Variants in CRPPA observed in about 807,000 individuals in gnomAD.
The protein encoded by CRPPA is D-ribitol-5-phosphate cytidylyltransferase.
Under a neutral mutation model 52.0 loss-of-function variants are expected in CRPPA, and 43 were observed. The ratio of observed to expected loss-of-function variants is 0.83; its 90% CI spans 0.65 to 1.07. The LOEUF is 1.07. Among genes scored for constraint, CRPPA ranks in the 50% least tolerant of loss-of-function variants. The pLI, the probability that CRPPA is intolerant of heterozygous loss-of-function variation, is 0.00. For synonymous variants in CRPPA, 250 were observed against 203.5 expected (o/e 1.23, Z -1.94); for missense variants, 629 against 551.7 (o/e 1.14, Z -1.40).
chr7:16,232,464 A>T (rs2128403404), intron 8 of CRPPA, among the ~76,000 whole-genome samples: 1 of 152,280 alleles, frequency 6.6e-6, no homozygotes, highest in South Asian at 2.1e-4. Flanking sequence ...CCACTAAGGG[A>T]TGATCTTCAC....
intron 3 of CRPPA, among the ~76,000 whole-genome samples, chr7:16,364,048 A>G (rs549552211): frequency 2.6e-5 from 4 of 152,320 alleles, no homozygotes; most frequent in Admixed American, 2.0e-4. Context: ...CTTCACAAAT[A>G]AGAAAATTTA....
intron 9 of CRPPA, among the ~76,000 whole-genome samples, chr7:16,109,554 T>C (rs1257273200): frequency 1.3e-5 from 2 of 151,914 alleles, no homozygotes; most frequent in East Asian, 1.9e-4. Context: ...CAGACCAATA[T>C]CTTTCAGGAA....
At chr7:16,229,734 T>C (rs200783006) in intron 8 of CRPPA, among the ~76,000 whole-genome samples, 1 of 152,158 alleles carries the variant, frequency 6.6e-6, no homozygotes, top group East Asian at 1.9e-4. Flanking sequence ...ATAAGTTTTA[T>C]ATTTTCAAAT....
chr7:16,156,794 A>G (rs1261418226), intron 9 of CRPPA, among the ~76,000 whole-genome samples: 3 of 152,172 alleles, frequency 2.0e-5, no homozygotes, highest in African/African-American at 7.2e-5. Flanking sequence ...AATCTGCTGA[A>G]AGCTGTGGAT....
At chr7:16,238,050 C>G (rs779498742) in intron 8 of CRPPA, among the ~76,000 whole-genome samples, 4 of 152,166 alleles carry the variant, frequency 2.6e-5, no homozygotes, top group African/African-American at 4.8e-5. Flanking sequence ...GGGAATTTGT[C>G]AACTCCCAGT....
intron 4 of CRPPA, among the ~76,000 whole-genome samples, chr7:16,304,870 A>G (rs879678822): frequency 1.3e-5 from 2 of 152,194 alleles, no homozygotes; most frequent in Non-Finnish European, 2.9e-5. Context: ...ACATGGTAAT[A>G]AAATGCCTCA....
intron 8 of CRPPA, among the ~76,000 whole-genome samples, chr7:16,254,934 T>C (rs919290640): frequency 2.0e-5 from 3 of 152,146 alleles, no homozygotes; most frequent in Non-Finnish European, 2.9e-5. Context: ...TTGGAAGTTC[T>C]GGCCAGGGCA....
chr7:16,303,104 A>T (rs1784824448), intron 4 of CRPPA, among the ~76,000 whole-genome samples: 1 of 152,188 alleles, frequency 6.6e-6, no homozygotes. Flanking sequence ...TTTAAAATTC[A>T]CTAGTTTTGG....
At chr7:16,122,056 G>A (rs1782490607) in intron 9 of CRPPA, among the ~76,000 whole-genome samples, 1 of 151,990 alleles carries the variant, frequency 6.6e-6, no homozygotes, top group Non-Finnish European at 1.5e-5. Flanking sequence ...ATCTCCTGTG[G>A]CACCCTGGAA....
intron 3 of CRPPA, among the ~76,000 whole-genome samples, chr7:16,360,750 T>C (rs575937902): frequency 6.6e-6 from 1 of 152,266 alleles, no homozygotes; most frequent in Non-Finnish European, 1.5e-5. Flanking sequence ...GACCTAAATA[T>C]AAGTTAAAGC....
intron 8 of CRPPA, among the ~76,000 whole-genome samples, chr7:16,252,056 G>A (rs1010527188): frequency 3.3e-5 from 5 of 151,992 alleles, no homozygotes; most frequent in African/African-American, 9.7e-5. Flanking sequence ...TATCACGACT[G>A]CATCAGCATC....
At chr7:16,340,769 G>A (rs1289156929) in intron 3 of CRPPA, among the ~76,000 whole-genome samples, 1 of 152,110 alleles carries the variant, frequency 6.6e-6, no homozygotes, top group Middle Eastern at 3.4e-3. Context: ...TTACCCAAAA[G>A]AGTTGAAAAT....
intron 9 of CRPPA, among the ~76,000 whole-genome samples, chr7:16,106,959 G>C (rs535319708): frequency 6.6e-5 from 10 of 151,930 alleles, no homozygotes. Flanking sequence ...AAAAATCCTA[G>C]AAATAAAAAA....
intron 9 of CRPPA, among the ~76,000 whole-genome samples, chr7:16,203,647 G>A (rs1465151364): frequency 2.0e-5 from 3 of 152,028 alleles, no homozygotes; most frequent in Admixed American, 1.3e-4. Flanking sequence ...AGAGGAAATT[G>A]CCCTTTTACC....
At chr7:16,194,778 A>G (rs936637649) in intron 9 of CRPPA, among the ~76,000 whole-genome samples, 2 of 151,780 alleles carry the variant, frequency 1.3e-5, no homozygotes, top group African/African-American at 4.8e-5. Flanking sequence ...CTATATTAAT[A>G]CTCTGGAAAC....
chr7:16,351,877 C>G (rs1178067021), intron 3 of CRPPA, among the ~76,000 whole-genome samples: 1 of 152,070 alleles, frequency 6.6e-6, no homozygotes, highest in East Asian at 1.9e-4. Context: ...AATCTAGAAC[C>G]AGAAATACCA....
intron 9 of CRPPA, among the ~76,000 whole-genome samples, chr7:16,130,391 A>G (rs999907541): frequency 6.6e-6 from 1 of 152,198 alleles, no homozygotes; most frequent in Non-Finnish European, 1.5e-5. Context: ...ATAAAAACTG[A>G]GTTTCTATAG....
intron 9 of CRPPA, among the ~76,000 whole-genome samples, chr7:16,119,684 T>C (rs1335516948): frequency 6.6e-6 from 1 of 152,230 alleles, no homozygotes; most frequent in South Asian, 2.1e-4. Flanking sequence ...TTTGGTTCAC[T>C]ATATTCACCA....
intron 8 of CRPPA, among the ~76,000 whole-genome samples, chr7:16,217,946 C>T (rs1197763742): frequency 6.6e-6 from 1 of 150,536 alleles, no homozygotes; most frequent in Non-Finnish European, 1.5e-5. Flanking sequence ...GAGAACGCCA[C>T]AAAGATACTC....
Sources: gnomAD v4.1 joint callset for allele counts (sites outside exome capture counted in the v4.1 genomes callset) on GRCh38, gnomAD v4.1.1 for gene constraint, MANE v1.5 for transcripts, NCBI Gene and HGNC (gene_info 2026-07-23, HGNC 2026-07-21) for gene names.